The following IL17RD variants were observed in gnomAD, a reference collection of about 807,000 sequenced individuals.
The protein encoded by IL17RD is interleukin-17 receptor D.
In IL17RD, 52 loss-of-function variants were observed where a neutral mutation model predicts 80.5. The observed-to-expected ratio is 0.65, with a 90% CI of 0.52 to 0.81. The LOEUF is 0.81. IL17RD is among the 40% of genes least tolerant of loss of function. The pLI is 0.00. For missense variants in IL17RD, 1,024 were observed against 955.1 expected, an observed-to-expected ratio of 1.07 and a Z score of -0.95; for synonymous variants, 416 against 391.8, an observed-to-expected ratio of 1.06 and a Z score of -0.73.
intron 1 of IL17RD, chr3:57,150,354 GA>G: frequency 6.6e-6 from 1 of 152,436 alleles, no homozygotes. Flanking sequence ...AGGGTGCTTG[GA>G]AGGCAGGGCA....
intron 5 of IL17RD, among the ~76,000 whole-genome samples, chr3:57,107,991 AC>A (rs1000737543): frequency 6.6e-6 from 1 of 152,060 alleles, no homozygotes; most frequent in African/African-American, 2.4e-5. Context: ...CCTCCTGATA[AC>A]AGGTAAAAGA....
Position 57,097,993 on chromosome 3 carries a change from A to T in IL17RD, c.1710T>A (p.Pro570=), listed in dbSNP as rs1706726717. 3.7e-6 allele frequency: 6 copies of T among 1,613,862 alleles called. 1 individual carries two copies. The South Asian group carries it at 6.6e-5, about 18-fold the overall frequency. ...FEKQFVPFHP[P]PLRYREPVLE... is the part of the protein sequence containing the mutation. ...AGACTGGCTCCCGGTAGCGCAGTGG[A>T]GGAGGATGGAAGGGAACGAACTGCT... The change falls in exon 12 of 13, where the codon CCT becomes CCA. Residue 570 remains proline, a synonymous_variant. Transcript: ENST00000296318.
chr3:57,167,748 G>C (rs2060354294), upstream of IL17RD, among the ~76,000 whole-genome samples: 8 of 152,116 alleles, frequency 5.3e-5, no homozygotes, highest in Admixed American at 5.2e-4. Context: ...TGTTCATTAT[G>C]GTATTATCAC....
chr3:57,127,316 A>T (rs1707500225), intron 1 of IL17RD, among the ~76,000 whole-genome samples: 4 of 101,490 alleles, frequency 3.9e-5, no homozygotes, highest in African/African-American at 1.1e-4. Context: ...AAATATATAA[A>T]AATATATATA....
chr3:57,158,742 A>G (rs750991180), intron 1 of IL17RD, among the ~76,000 whole-genome samples: 5 of 152,266 alleles, frequency 3.3e-5, no homozygotes, highest in African/African-American at 4.8e-5. Context: ...TCACAAAAAC[A>G]TGGTACAAAT....
chr3:57,119,896 T>C (rs1213181955), intron 2 of IL17RD, among the ~76,000 whole-genome samples: 1 of 152,194 alleles, frequency 6.6e-6, no homozygotes, highest in Admixed American at 6.5e-5. Flanking sequence ...AGCTATCCAG[T>C]TTGCCATACT....
intron 1 of IL17RD, among the ~76,000 whole-genome samples, chr3:57,135,147 A>C (rs1022843971): frequency 5.4e-5 from 8 of 147,782 alleles, no homozygotes; most frequent in African/African-American, 1.1e-4. Context: ...AAAACACACA[A>C]AAAAAACAAA....
At chr3:57,120,408 G>A (rs1436619240) in intron 1 of IL17RD, 95 bp from the exon 2 acceptor site, 2 of 837,678 alleles carry the variant, frequency 2.4e-6, no homozygotes, top group African/African-American at 3.3e-5. Context: ...GCACTGCTGA[G>A]ACCCAGGGTC....
upstream of IL17RD, among the ~76,000 whole-genome samples, chr3:57,169,919 C>A (rs575777111): frequency 2.5e-3 from 380 of 152,296 alleles, 3 homozygotes; most frequent in Non-Finnish European, 4.3e-3. Flanking sequence ...ATCATCCCCA[C>A]TGCACAGATG....
At position 57,105,874 on chromosome 3, in the gene IL17RD, G is replaced by A. The variant is rs777511776; in HGVS notation, c.730C>T (p.Arg244Ter). The A allele has an allele frequency of 6.2e-6, 10 of 1,613,572 alleles. No individual in the cohort carries two copies. The highest frequency in any genetic ancestry group is 1.3e-5 in the African/African-American group (1 of 74,826). ...YKLKHEGPFK[R>*]KTCKQEQTTE... ...CAGCTCACCTGCTTACAGGTCTTTC[G>A]CTTGAAAGGTCCTTCGTGCTTGAGC... The change falls in exon 7 of 13, where the codon CGA (arginine) becomes TGA (stop). Residue 244 changes from arginine to a stop codon, truncating the protein, a stop_gained. Transcript: ENST00000296318. LOFTEE classifies it high-confidence loss of function.
chr3:57,161,295 A>T (rs1242433970), intron 1 of IL17RD, among the ~76,000 whole-genome samples: 2 of 152,360 alleles, frequency 1.3e-5, no homozygotes, highest in South Asian at 4.1e-4. Flanking sequence ...CTGCAAGTGA[A>T]TGAAAATGCA....
chr3:57,145,084 T>C (rs1707900398), intron 1 of IL17RD, among the ~76,000 whole-genome samples: 1 of 152,174 alleles, frequency 6.6e-6, no homozygotes, highest in African/African-American at 2.4e-5. Flanking sequence ...GTGACTGCCT[T>C]TCTTCTGCCC....
intron 1 of IL17RD, among the ~76,000 whole-genome samples, chr3:57,163,103 G>C (rs1241466150): frequency 6.6e-6 from 1 of 152,158 alleles, no homozygotes; most frequent in African/African-American, 2.4e-5. Flanking sequence ...AAGCATGTGG[G>C]GAAACTGGGT....
At chr3:57,153,883 T>C (rs1050547748) in intron 1 of IL17RD, among the ~76,000 whole-genome samples, 1 of 152,106 alleles carries the variant, frequency 6.6e-6, no homozygotes, top group African/African-American at 2.4e-5. Flanking sequence ...TACAGGTGAC[T>C]AGCTGCCTGC....
At chr3:57,169,696 G>A (rs1177627587), upstream of IL17RD, among the ~76,000 whole-genome samples, 1 of 152,156 alleles carries the variant, frequency 6.6e-6, no homozygotes, top group African/African-American at 2.4e-5. Context: ...TATGTTTTCT[G>A]TATTAATAAA....
intron 2 of IL17RD, 22 bp downstream of exon 2, chr3:57,120,234 A>G (rs753347226): frequency 5.7e-6 from 9 of 1,582,520 alleles, no homozygotes; most frequent in Non-Finnish European, 7.8e-6. Context: ...TCCATTCTTC[A>G]GCAATAAAGG....
At chr3:57,104,914 G>A (rs1559468163) in intron 7 of IL17RD, among the ~76,000 whole-genome samples, 1 of 152,150 alleles carries the variant, frequency 6.6e-6, no homozygotes, top group Non-Finnish European at 1.5e-5. Flanking sequence ...ATCCACAGAG[G>A]CAATCAGACA....
intron 1 of IL17RD, among the ~76,000 whole-genome samples, chr3:57,162,300 T>G (rs1490533747): frequency 6.6e-6 from 1 of 152,244 alleles, no homozygotes; most frequent in Non-Finnish European, 1.5e-5. Flanking sequence ...CTGCCCCCTC[T>G]CAGGTTCTGA....
At chr3:57,104,568 G>A (rs1160506068) in intron 7 of IL17RD, among the ~76,000 whole-genome samples, 161 bp from the exon 8 acceptor site, 2 of 152,172 alleles carry the variant, frequency 1.3e-5, no homozygotes, top group Non-Finnish European at 2.9e-5. Context: ...TCTGCCACAT[G>A]TTATCTGAAC....
Sources: gnomAD v4.1 joint callset for allele counts (sites outside exome capture counted in the v4.1 genomes callset) on GRCh38, gnomAD v4.1.1 for gene constraint, MANE v1.5 for transcripts, NCBI Gene and HGNC (gene_info 2026-07-23, HGNC 2026-07-21) for gene names.